SEC14L3: variants seen among roughly 807,000 people sequenced by gnomAD.
The protein encoded by SEC14L3 is SEC14 like lipid binding 3, also known as SEC14-like protein 3.
SEC14L3 carries 56 observed loss-of-function variants against 57.4 expected under a neutral mutation model. That is an observed-to-expected ratio of 0.97 (90% CI 0.79 to 1.22). The LOEUF (loss-of-function observed/expected upper bound fraction) is 1.22. SEC14L3 is among the 50% of genes most tolerant of loss of function. The pLI is 0.00. For synonymous variants in SEC14L3, 173 were observed against 194.4 expected (o/e 0.89, Z 0.92); for missense variants, 485 against 511.7 (o/e 0.95, Z 0.50).
chr22:30,469,636 G>A (rs374357814), intron 4 of SEC14L3, among the ~76,000 whole-genome samples: 6 of 152,324 alleles, frequency 3.9e-5, no homozygotes, highest in African/African-American at 1.4e-4. Context: ...GGGCAGGGGT[G>A]CAGAAGCACA....
At chr22:30,448,951 C>T (rs1331752165) in exon 13 of SEC14L3, 2 of 777,488 alleles carry the variant, frequency 2.6e-6, no homozygotes, top group Non-Finnish European at 4.1e-6. Flanking sequence ...GCCCTAGGCC[C>T]TCTGAGTATA....
At chr22:30,463,887 T>C (rs1935340348) in intron 8 of SEC14L3, among the ~76,000 whole-genome samples, 3 of 152,116 alleles carry the variant, frequency 2.0e-5, no homozygotes, top group Admixed American at 1.3e-4. Context: ...AACCACACGA[T>C]CTCTCACTAT....
In SEC14L3 at chr22:30,460,076, ACCTCCACT is replaced by A. The variant is rs764006209; in HGVS notation, c.1140_1147del (p.Val381ProfsTer4). ...CTGCATGCCCTCGTCAGGGAGCAGG[ACCTCCACT>A]GTGAAGCTGACCTTCTTGGCGTGGA... is the stretch of plus-strand genomic sequence containing the variant. On this transcript the variant is annotated frameshift_variant, in exon 12 of 12. Coordinates refer to ENST00000215812, the MANE Select transcript of SEC14L3 (RefSeq NM_174975.5). LOFTEE classifies it high-confidence loss of function. The A allele has an allele frequency of 3.1e-6, 5 of 1,614,068 alleles. No homozygotes were observed. The highest frequency in any genetic ancestry group is 4.2e-6 in the Non-Finnish European group (5 of 1,179,992).
intron 12 of SEC14L3, among the ~76,000 whole-genome samples, chr22:30,449,626 G>A (rs1431136787): frequency 2.7e-5 from 4 of 149,430 alleles, no homozygotes; most frequent in Admixed American, 6.7e-5. Flanking sequence ...GTGCAGTGGC[G>A]CGATCTCAGC....
chr22:30,458,729 G>A (rs1241456472), downstream of SEC14L3, among the ~76,000 whole-genome samples: 1 of 152,162 alleles, frequency 6.6e-6, no homozygotes, highest in Non-Finnish European at 1.5e-5. Flanking sequence ...AGCAAAAACA[G>A]GCCAGGCATG....
intron 11 of SEC14L3, 94 bp downstream of exon 11, chr22:30,461,216 G>A (rs1935244867): frequency 2.1e-6 from 3 of 1,434,322 alleles, no homozygotes; most frequent in Admixed American, 2.3e-5. Flanking sequence ...CCTGAATGGG[G>A]GAGGTGTGTC....
intron 11 of SEC14L3, 115 bp downstream of exon 11, chr22:30,461,195 G>A: frequency 7.8e-7 from 1 of 1,277,680 alleles, no homozygotes. Context: ...TGCTAACCTA[G>A]GCTGTGTGTC....
At chr22:30,468,969 G>C (rs1935516841) in intron 4 of SEC14L3, 1 of 1,426,796 alleles carries the variant, frequency 7.0e-7, no homozygotes, top group Non-Finnish European at 9.2e-7. Context: ...CTGTGGAGAA[G>C]AGTCGGGTTT....
chr22:30,454,713 ATATAATC>A (rs1157493578), downstream of SEC14L3, among the ~76,000 whole-genome samples: 1 of 86,570 alleles, frequency 1.2e-5, no homozygotes, highest in Non-Finnish European at 1.9e-5. Context: ...ATATTATTAT[ATATAATC>A]TATAATCTAT....
chr22:30,458,056 CG>C (rs1935150298), downstream of SEC14L3, among the ~76,000 whole-genome samples: 1 of 152,216 alleles, frequency 6.6e-6, no homozygotes, highest in African/African-American at 2.4e-5. Context: ...AGCCTGCCCA[CG>C]GATGAGCTCA....
Position 30,461,704 on chromosome 22 carries a change from T to C in SEC14L3, c.772-10A>G, listed in dbSNP as rs749314963. 5 of 1,609,148 alleles carry C rather than the reference T, an allele frequency of 3.1e-6. No individual in the cohort carries two copies. The South Asian group carries it at 3.3e-5, about 11-fold the overall frequency. ...CCCCGCCATAGTTAATCTGCGGACA[T>C]GGGATGAGATGGGCTTGCTTCCGTC... On this transcript the variant is annotated splice_polypyrimidine_tract_variant and intron_variant, in intron 9 of 11. Coordinates refer to ENST00000215812, the MANE Select transcript of SEC14L3 (RefSeq NM_174975.5).
In SEC14L3 at chr22:30,459,526, C is replaced by T. The variant is rs962616943; in HGVS notation, c.*495G>A. On this transcript the variant is annotated 3_prime_UTR_variant, in exon 12 of 12. Coordinates refer to ENST00000215812, the MANE Select transcript of SEC14L3 (RefSeq NM_174975.5). ...GTCCAAGGTGCTGAAATCCACCCCA[C>T]ATAGGCTCCTCCTAATCATGTACAG... The T allele has an allele frequency of 4.2e-5, 41 of 986,154 alleles. No individual in the cohort carries two copies. In the Admixed American group the frequency reaches 7.9e-4, roughly 19 times the overall value. 61.1% of individuals were successfully genotyped at this position (986,154 alleles called of 1,614,324 possible).
intron 5 of SEC14L3, 79 bp from the exon 6 acceptor site, chr22:30,467,156 T>A: frequency 1.3e-6 from 2 of 1,590,738 alleles, no homozygotes; most frequent in South Asian, 1.1e-5. Context: ...ACATGACCCC[T>A]TGGGGCTTCT....
intron 12 of SEC14L3, among the ~76,000 whole-genome samples, chr22:30,449,572 T>C (rs1424275459): frequency 1.3e-5 from 2 of 150,540 alleles, no homozygotes. Context: ...TCTTTTCTTT[T>C]TTTTTTTTTT....
downstream of SEC14L3, chr22:30,447,944 G>GTT (rs397933038): frequency 0.034 from 4,940 of 143,662 alleles, 265 homozygotes; most frequent in African/African-American, 0.11. Flanking sequence ...GGCGGGCAAT[G>GTT]TTTTTTTTTT....
rs747318211 is a variant in SEC14L3, at chr22:30,461,618, T to G, written c.848A>C (p.Gln283Pro). Reference protein sequence around the residue: ...QVKTQYEHSVQINRGSSHQVE... With the variant: ...QVKTQYEHSVPINRGSSHQVE... ...TTGGTGTGATGAGCCGCGGTTGATC[T>G]GCACCGAGTGCTCGTACTGAGTCTT... Residue 283 changes from glutamine to proline, a missense_variant, in exon 10 of 12, where the codon CAG becomes CCG. Physicochemically the swap from Gln to Pro is moderately conservative, Grantham distance 76 (BLOSUM62 -1). Transcript: ENST00000215812. 2.4e-5 allele frequency: 39 copies of G among 1,613,946 alleles called. No homozygotes were observed. Among genetic ancestry groups the G allele is most frequent in the Middle Eastern group, 1.6e-4 (1 of 6,084 alleles).
At chr22:30,467,304 C>T (rs1430733052) in intron 5 of SEC14L3, 1 of 173,590 alleles carries the variant, frequency 5.8e-6, no homozygotes, top group Non-Finnish European at 1.1e-5. Context: ...TCCACCCACC[C>T]ACCCCCGTAT....
chr22:30,468,899 C>T, intron 4 of SEC14L3: 1 of 1,518,808 alleles, frequency 6.6e-7, no homozygotes, highest in Non-Finnish European at 8.8e-7. Flanking sequence ...ATGGCAAAGC[C>T]AGGTCTCAGC....
At chr22:30,465,043 A>G in intron 7 of SEC14L3, 140 bp from the exon 8 acceptor site, 1 of 1,307,946 alleles carries the variant, frequency 7.6e-7, no homozygotes, top group Non-Finnish European at 1.0e-6. Context: ...CCAACAAACC[A>G]TCCAACCAAC....
Sources: allele counts gnomAD v4.1 joint callset (sites outside exome capture counted in the v4.1 genomes callset), GRCh38; gene constraint gnomAD v4.1.1; transcripts MANE v1.5; gene names NCBI Gene and HGNC (gene_info 2026-07-23, HGNC 2026-07-21).